SBF2: variants seen among roughly 807,000 people sequenced by gnomAD.
SBF2 encodes the protein myotubularin-related protein 13.
SBF2 carries 112 observed loss-of-function variants against 225.2 expected under a neutral mutation model. The ratio of observed to expected loss-of-function variants is 0.50; its 90% CI spans 0.43 to 0.58. SBF2 has a LOEUF of 0.58. SBF2 is among the 20% of genes least tolerant of loss of function. The pLI is 0.00. For missense variants in SBF2, 1,996 were observed against 2,206.2 expected (o/e 0.90, Z 1.91); for synonymous variants, 763 against 773.3 (o/e 0.99, Z 0.22).
intron 2 of SBF2, among the ~76,000 whole-genome samples, chr11:10,152,658 A>C (rs939938897): frequency 6.6e-6 from 1 of 152,252 alleles, no homozygotes; most frequent in African/African-American, 2.4e-5. Flanking sequence ...TTAAAAGATT[A>C]GTAGAAAAAA....
rs575725625 is a variant in SBF2 at position 9,859,600 on chromosome 11, C to A, written c.1930-1204G>T. 3.3e-5 allele frequency among the ~76,000 whole-genome samples: 5 copies of A among 152,202 alleles called. No homozygotes were observed. In the South Asian group the frequency reaches 1.0e-3, roughly 32 times the overall value. On this transcript the variant is annotated intron_variant, in intron 17 of 39. Transcript: ENST00000256190. ...GTTTCTGATAAGTTTTCTTTCGAAG[C>A]AATTTAATAAGCTGAGTGTCTTCTC...
chr11:10,004,671 C>G (rs1015327860), intron 6 of SBF2, among the ~76,000 whole-genome samples: 3 of 149,170 alleles, frequency 2.0e-5, no homozygotes, highest in Non-Finnish European at 4.4e-5. Flanking sequence ...ACAGACAAAA[C>G]TCAAAGTCAT....
At chr11:10,127,459 T>C (rs1182921401) in intron 2 of SBF2, among the ~76,000 whole-genome samples, 3 of 152,196 alleles carry the variant, frequency 2.0e-5, no homozygotes, top group Admixed American at 1.3e-4. Flanking sequence ...ATTGTTGTTA[T>C]CTCATCAACA....
At chr11:10,284,154 C>T (rs1477298812) in intron 1 of SBF2, among the ~76,000 whole-genome samples, 2 of 152,132 alleles carry the variant, frequency 1.3e-5, no homozygotes, top group Non-Finnish European at 2.9e-5. Context: ...ACCATATACC[C>T]TTTACCCAGT....
intron 28 of SBF2, among the ~76,000 whole-genome samples, chr11:9,820,109 A>G (rs1193842860): frequency 6.6e-6 from 1 of 152,232 alleles, no homozygotes; most frequent in African/African-American, 2.4e-5. Flanking sequence ...AAAAATTGTG[A>G]GCAGTTTTAG....
chr11:9,918,587 G>C (rs545159959), intron 16 of SBF2, among the ~76,000 whole-genome samples: 1 of 152,076 alleles, frequency 6.6e-6, no homozygotes, highest in South Asian at 2.1e-4. Context: ...GCACAGACTG[G>C]TCTCAATTCC....
At chr11:10,086,195 T>A (rs568159838) in intron 2 of SBF2, among the ~76,000 whole-genome samples, 28 of 152,250 alleles carry the variant, frequency 1.8e-4, no homozygotes, top group African/African-American at 6.5e-4. Flanking sequence ...GAGGTGTTTA[T>A]CTTGCTTTTG....
At chr11:10,070,073 T>C (rs779973335) in intron 2 of SBF2, among the ~76,000 whole-genome samples, 24 of 152,178 alleles carry the variant, frequency 1.6e-4, no homozygotes, top group South Asian at 1.0e-3. Flanking sequence ...GTCAGATGGG[T>C]AGACTGCAAA....
rs192268963 is a variant in SBF2 at position 10,145,678 on chromosome 11, C to T, written c.141+48224G>A. Among the ~76,000 whole-genome samples the T allele has an allele frequency of 3.6e-4, 55 of 152,230 alleles. 1 individual carries two copies. The highest frequency in any genetic ancestry group is 1.2e-3 in the African/African-American group (49 of 41,534). On this transcript the variant is annotated intron_variant, in intron 2 of 39. Transcript: ENST00000256190. ...ACCTTCCATTTAATTGGGAGTTCCT[C>T]GAGAGATGGGCTTCATAATTTGTAT...
intron 16 of SBF2, chr11:9,915,749 T>C (rs1863030519): frequency 1.3e-5 from 2 of 152,044 alleles, no homozygotes; most frequent in African/African-American, 2.4e-5. Flanking sequence ...AAAAGCTTCA[T>C]ATATATAAAA....
intron 1 of SBF2, among the ~76,000 whole-genome samples, chr11:10,257,501 AAAAATT>A (rs925460006): frequency 6.6e-6 from 1 of 152,000 alleles, no homozygotes; most frequent in East Asian, 1.9e-4. Flanking sequence ...TGTATCTACT[AAAAATT>A]AAAATTAAAA....
intron 13 of SBF2, among the ~76,000 whole-genome samples, chr11:9,975,836 C>T (rs1488629469): frequency 6.6e-6 from 1 of 152,092 alleles, no homozygotes. Flanking sequence ...CCTTTATTCA[C>T]AGTTGGCAAA....
At position 9,868,366 on chromosome 11, in the gene SBF2, A is replaced by AAAAAAAAAG. The variant is rs1554933292; in HGVS notation, c.1930-9971_1930-9970insCTTTTTTTT. Reference sequence around the variant, plus strand: ...AAAAAAAAAAAAAAAAAAAAAAAAAAAATTAGGCGGGTGTGGTGGCGGGCG... The same window carrying AAAAAAAAAG: ...AAAAAAAAAAAAAAAAAAAAAAAAAAAAAAAAAAGAATTAGGCGGGTGTGGTGGCGGGCG... On this transcript the variant is annotated intron_variant, in intron 17 of 39. Transcript: ENST00000256190. Among the ~76,000 whole-genome samples the AAAAAAAAAG allele has an allele frequency of 1.2e-3, 136 of 114,914 alleles. 2 individuals carry two copies. Among genetic ancestry groups the AAAAAAAAAG allele is most frequent in the Non-Finnish European group, 1.4e-3 (80 of 56,386 alleles). The allele number at this position is 114,914 out of a possible 152,430, so 75.4% of individuals were successfully genotyped here. A position where few individuals can be genotyped will look rare whatever the true frequency, so the allele number is the denominator to read the frequency against.
At chr11:10,119,225 A>G (rs548679454) in intron 2 of SBF2, among the ~76,000 whole-genome samples, 43 of 152,228 alleles carry the variant, frequency 2.8e-4, no homozygotes, top group African/African-American at 9.6e-4. Context: ...CTAAAACTTT[A>G]TATGACAAAG....
chr11:10,235,468 G>A (rs1386250148), intron 1 of SBF2, among the ~76,000 whole-genome samples: 6 of 151,418 alleles, frequency 4.0e-5, no homozygotes, highest in South Asian at 2.1e-4. Context: ...GAGAGGTTGC[G>A]GTGAGCCGAG....
In SBF2 at chr11:10,273,346, T is replaced by A. The variant is rs572770326; in HGVS notation, c.55+20669A>T. Among the ~76,000 whole-genome samples the A allele has an allele frequency of 6.9e-3, 1,047 of 152,308 alleles. 10 individuals carry two copies. Among genetic ancestry groups the A allele is most frequent in the African/African-American group, 0.024 (979 of 41,562 alleles). ...TTTTTGAACTCGAATTACTGTTTTT[T>A]AAAAAATTGCTTCAACATTCATGCT... On this transcript the variant is annotated intron_variant, in intron 1 of 39. Transcript: ENST00000256190.
intron 17 of SBF2, among the ~76,000 whole-genome samples, chr11:9,892,001 T>C (rs1004863067): frequency 4.6e-5 from 7 of 152,212 alleles, no homozygotes; most frequent in African/African-American, 9.7e-5. Flanking sequence ...TTAAAAATAA[T>C]TAGGTATATG....
At chr11:10,248,010 A>C (rs1395839753) in intron 1 of SBF2, among the ~76,000 whole-genome samples, 1 of 152,242 alleles carries the variant, frequency 6.6e-6, no homozygotes, top group Non-Finnish European at 1.5e-5. Flanking sequence ...GGTCTAAATT[A>C]TGCAGGTCAG....
intron 13 of SBF2, among the ~76,000 whole-genome samples, chr11:9,976,497 T>G (rs1171981932): frequency 6.6e-6 from 1 of 152,110 alleles, no homozygotes; most frequent in Non-Finnish European, 1.5e-5. Context: ...CTTGGGAGCG[T>G]GAGGTGGGAG....
Sources: allele counts gnomAD v4.1 joint callset (sites outside exome capture counted in the v4.1 genomes callset), GRCh38; gene constraint gnomAD v4.1.1; transcripts MANE v1.5; gene names NCBI Gene and HGNC (gene_info 2026-07-23, HGNC 2026-07-21).